OGFOD3: variants seen among roughly 807,000 people sequenced by gnomAD.
OGFOD3 encodes 2-oxoglutarate and iron-dependent oxygenase domain-containing protein 3.
Under a neutral mutation model 39.8 loss-of-function variants are expected in OGFOD3, and 35 were observed. The ratio of observed to expected loss-of-function variants is 0.88; its 90% CI spans 0.67 to 1.17. The LOEUF (loss-of-function observed/expected upper bound fraction) is 1.17. OGFOD3 is among the 50% of genes most tolerant of loss of function. The pLI is 0.00. For missense variants in OGFOD3, 438 were observed against 454.5 expected, an observed-to-expected ratio of 0.96 and a Z score of 0.33; for synonymous variants, 200 against 192.0, an observed-to-expected ratio of 1.04 and a Z score of -0.34.
At chr17:82,397,901 C>T (rs779785269) in intron 8 of OGFOD3, among the ~76,000 whole-genome samples, 4 of 151,960 alleles carry the variant, frequency 2.6e-5, no homozygotes, top group African/African-American at 4.8e-5. Context: ...AGACCCTGAC[C>T]GCCAAGGTGA....
chr17:82,400,987 A>C (rs1429128593), intron 7 of OGFOD3: 1 of 152,148 alleles, frequency 6.6e-6, no homozygotes, highest in Admixed American at 6.5e-5. Flanking sequence ...AAGGCCAGTA[A>C]GTGCCGTGCA....
At position 82,398,290 on chromosome 17, in the gene OGFOD3, C is replaced by A; in HGVS notation, c.729G>T (p.Ser243=). 6.2e-7 allele frequency: 1 copy of A among 1,614,134 alleles called. No individual in the cohort carries two copies. The highest frequency in any genetic ancestry group is 8.5e-7 in the Non-Finnish European group (1 of 1,180,004). Residue 243 remains serine (S), a synonymous_variant, in exon 8 of 9, where the codon TCG becomes TCT. Coordinates refer to ENST00000313056, the MANE Select transcript of OGFOD3 (RefSeq NM_024648.3). Reference sequence around the variant, plus strand: ...CCAGGTAGTTGGAGAGGTACAGCAGCGAGGTGTAGTCGAAGGAGCCGTAGG... The same window carrying A: ...CCAGGTAGTTGGAGAGGTACAGCAGAGAGGTGTAGTCGAAGGAGCCGTAGG... ...KVTYGSFDYT[S]LLYLSNYLED... is the part of the protein sequence containing the mutation.
chr17:82,408,478 C>T (rs1046775444), intron 4 of OGFOD3, among the ~76,000 whole-genome samples: 11 of 152,214 alleles, frequency 7.2e-5, no homozygotes, highest in African/African-American at 2.2e-4. Context: ...AGGCCACAGC[C>T]GGCGGTGGCT....
rs759472839 is a variant in OGFOD3, at chr17:82,409,422, AAAT to A, written c.381-15_381-13del. 22 of 1,613,630 alleles carry A rather than the reference AAAT, an allele frequency of 1.4e-5. No individual in the cohort carries two copies. The highest frequency in any genetic ancestry group is 1.8e-5 in the Non-Finnish European group (21 of 1,179,694). On this transcript the variant is annotated splice_polypyrimidine_tract_variant and intron_variant, in intron 3 of 8. Transcript: ENST00000313056. ...CCTTTTCAGCTACGCTGCAGGGAGAAAATAATTCAGAATTTCGTTGCTAGAATT... is the reference window on the plus strand; with the variant it reads ...CCTTTTCAGCTACGCTGCAGGGAGAAAATTCAGAATTTCGTTGCTAGAATT...
chr17:82,418,562 G>T lies in OGFOD3; in HGVS notation c.-77C>A, dbSNP rs964624965. The stretch of plus-strand genomic sequence containing the variant: ...CGAACGCCGTAACAGGGAGCGCGAG[G>T]CAGGCACGGCGCAGGGACGCGAGTG... On this transcript the variant is annotated 5_prime_UTR_variant, in exon 1 of 9. Coordinates refer to ENST00000313056, the MANE Select transcript of OGFOD3 (RefSeq NM_024648.3). The T allele has an allele frequency of 1.3e-4, 103 of 788,046 alleles. 1 individual carries two copies. In the Admixed American group the frequency reaches 3.5e-3, roughly 27 times the overall value. The allele number at this position is 788,046 out of a possible 1,614,324, so 48.8% of individuals were successfully genotyped here.
At chr17:82,408,691 C>T (rs955590425) in intron 4 of OGFOD3, among the ~76,000 whole-genome samples, 1 of 152,152 alleles carries the variant, frequency 6.6e-6, no homozygotes, top group African/African-American at 2.4e-5. Flanking sequence ...AGGACCTTTT[C>T]CTCCTCCCTC....
intron 3 of OGFOD3, among the ~76,000 whole-genome samples, chr17:82,409,711 A>G (rs1237873385): frequency 6.6e-6 from 1 of 152,226 alleles, no homozygotes; most frequent in Non-Finnish European, 1.5e-5. Flanking sequence ...CCTGGCCAAC[A>G]TGGTGAAACC....
intron 7 of OGFOD3, among the ~76,000 whole-genome samples, chr17:82,398,832 C>T (rs762239550): frequency 5.9e-5 from 9 of 151,750 alleles, no homozygotes; most frequent in Non-Finnish European, 8.8e-5. Context: ...CTCAGCATCC[C>T]GGGTAGCCAG....
At chr17:82,411,578 G>A (rs147607026) in intron 2 of OGFOD3, 48 bp from the exon 3 acceptor site, 99 of 1,511,574 alleles carry the variant, frequency 6.5e-5, no homozygotes, top group Non-Finnish European at 7.9e-5. Context: ...GGCCACCGGC[G>A]CATGCCCTTC....
Position 82,411,485 on chromosome 17 carries a change from ATGACGACATCGG to A in OGFOD3, c.338_349del (p.Thr113_Val116del). On this transcript the variant is annotated inframe_deletion, in exon 3 of 9. Transcript: ENST00000313056. The stretch of plus-strand genomic sequence containing the variant: ...AATCCGCTCCGCTTCCTCCCTGGTG[ATGACGACATCGG>A]TGACACCTCTGCCGCACTTTCGGGG... 6.2e-7 allele frequency: 1 copy of A among 1,614,162 alleles called. No homozygotes were observed.
chr17:82,404,074 C>T lies in OGFOD3; in HGVS notation c.562G>A (p.Val188Ile). Residue 188 changes from valine to isoleucine, a missense_variant, in exon 7 of 9, where the codon GTC becomes ATC. Transcript: ENST00000313056. The surrounding 1 kb of genome is among the most constrained non-coding windows in gnomAD (Gnocchi z 4.5). ...AAAGCCTCAGCAATGGTGAGCTGGA[C>T]CTTCTGCCGCACCTCCCTGCAGAGG... ...FRLYREVRQKVQLTIAEAFGI... is the reference protein window; with the variant it reads ...FRLYREVRQKIQLTIAEAFGI... 2 of 1,600,230 alleles carry T rather than the reference C, an allele frequency of 1.2e-6. No homozygotes were observed. Among genetic ancestry groups the T allele is most frequent in the Non-Finnish European group, 1.7e-6 (2 of 1,172,542 alleles).
Position 82,415,346 on chromosome 17 carries a change from T to C in OGFOD3, c.304+52A>G. On this transcript the variant is annotated intron_variant, in intron 2 of 8. Transcript: ENST00000313056. The surrounding 1 kb of genome is among the most constrained non-coding windows in gnomAD (Gnocchi z 5.3). Reference sequence around the variant, plus strand: ...ATTCCCACCCCTTCGTCGCAGCCAATGTCCTTTAACCACACTGAGTCTCAT... The same window carrying C: ...ATTCCCACCCCTTCGTCGCAGCCAACGTCCTTTAACCACACTGAGTCTCAT... The C allele has an allele frequency of 1.3e-6, 2 of 1,550,166 alleles. No homozygotes were observed. The highest frequency in any genetic ancestry group is 1.1e-5 in the South Asian group (1 of 87,200).
In OGFOD3 at chr17:82,409,354, T is replaced by A; in HGVS notation, c.423+14A>T. 2 of 1,613,080 alleles carry A rather than the reference T, an allele frequency of 1.2e-6. No individual in the cohort carries two copies. The highest frequency in any genetic ancestry group is 1.7e-6 in the Non-Finnish European group (2 of 1,179,208). ...CGGGTAAAAAAAGGGGGGCAGGGAC[T>A]ACATTCAACTCACCCCTCCGTCAGA... On this transcript the variant is annotated intron_variant, in intron 4 of 8. Coordinates refer to ENST00000313056, the MANE Select transcript of OGFOD3 (RefSeq NM_024648.3).
Position 82,416,532 on chromosome 17 carries a change from G to A in OGFOD3, c.75-905C>T, listed in dbSNP as rs140538093. On this transcript the variant is annotated intron_variant, in intron 1 of 8. Coordinates refer to ENST00000313056, the MANE Select transcript of OGFOD3 (RefSeq NM_024648.3). Reference sequence around the variant, plus strand: ...TCCCCTCCTGTAAAATAAGCTTCTCGTCTGTTCCAAGGAGCAGGTATTGGG... The same window carrying A: ...TCCCCTCCTGTAAAATAAGCTTCTCATCTGTTCCAAGGAGCAGGTATTGGG... Among the ~76,000 whole-genome samples the A allele has an allele frequency of 4.1e-3, 630 of 152,274 alleles. 7 individuals carry two copies. Among genetic ancestry groups the A allele is most frequent in the African/African-American group, 5.8e-3 (241 of 41,550 alleles).
In OGFOD3 at chr17:82,392,556, A is replaced by T; in HGVS notation, c.824-22T>A. ...CGACCTGGGAGAGGAGAAGAGAGAG[A>T]GGTGGCCATAGAGCCACACCCACGG... On this transcript the variant is annotated intron_variant, in intron 8 of 8. Transcript: ENST00000313056. This position sits in a 1 kb window ranked among gnomAD's most constrained non-coding sequence, Gnocchi z 4.2. The T allele has an allele frequency of 1.9e-6, 3 of 1,568,446 alleles. No individual in the cohort carries two copies. The highest frequency in any genetic ancestry group is 2.6e-6 in the Non-Finnish European group (3 of 1,157,078).
intron 7 of OGFOD3, among the ~76,000 whole-genome samples, chr17:82,399,930 C>T (rs2052735314): frequency 1.3e-5 from 2 of 152,182 alleles, no homozygotes; most frequent in Non-Finnish European, 2.9e-5. Flanking sequence ...GGGATGGAGC[C>T]GCACCAGCGC....
intron 8 of OGFOD3, among the ~76,000 whole-genome samples, chr17:82,395,133 G>GCAAT (rs1280725385): frequency 6.6e-6 from 1 of 152,218 alleles, no homozygotes; most frequent in Non-Finnish European, 1.5e-5. Flanking sequence ...CCAGGCTCAA[G>GCAAT]CAATCCTCCC....
intron 4 of OGFOD3, among the ~76,000 whole-genome samples, chr17:82,408,482 G>A (rs1039908359): frequency 3.3e-5 from 5 of 152,184 alleles, no homozygotes; most frequent in African/African-American, 9.7e-5. Flanking sequence ...CACAGCCGGC[G>A]GTGGCTCCAT....
At chr17:82,405,109 C>T (rs2052833769) in intron 6 of OGFOD3, among the ~76,000 whole-genome samples, 1 of 152,256 alleles carries the variant, frequency 6.6e-6, no homozygotes, top group African/African-American at 2.4e-5. Flanking sequence ...GACCAGGATG[C>T]AGCCACAGGA....
Sources: gnomAD v4.1 joint callset for allele counts (sites outside exome capture counted in the v4.1 genomes callset) on GRCh38, gnomAD v4.1.1 for gene constraint, Gnocchi (gnomAD v3.1) non-coding constraint, MANE v1.5 for transcripts, NCBI Gene and HGNC (gene_info 2026-07-23, HGNC 2026-07-21) for gene names.